Variants in ZNF366 observed in about 807,000 individuals in gnomAD.
The protein encoded by ZNF366 is zinc finger protein 366.
ZNF366 carries 20 observed loss-of-function variants against 47.2 expected under a neutral mutation model. The observed-to-expected ratio is 0.42, with a 90% CI of 0.30 to 0.62. ZNF366 has a LOEUF of 0.62. Ranked by LOEUF, ZNF366 falls within the 20% of genes least tolerant of loss-of-function variation. The pLI is 0.16. For missense variants in ZNF366, 987 were observed against 976.3 expected, an observed-to-expected ratio of 1.01 and a Z score of -0.15; for synonymous variants, 421 against 395.1, an observed-to-expected ratio of 1.07 and a Z score of -0.78.
In ZNF366 at chr5:72,443,725, AT is replaced by A. The variant is rs764871895; in HGVS notation, c.*30del. 20 of 1,586,632 alleles carry A rather than the reference AT, an allele frequency of 1.3e-5. No individual in the cohort carries two copies. The Admixed American group carries it at 3.4e-4, about 27-fold the overall frequency. On this transcript the variant is annotated 3_prime_UTR_variant, in exon 5 of 5. Coordinates refer to ENST00000318442, the MANE Select transcript of ZNF366 (RefSeq NM_152625.3). ...GCTATATTTGAACTGCCTCCTTCTC[AT>A]TTTCCAAATGTAATTTTAAAACTGT...
At chr5:72,504,071 G>T (rs781007771) in intron 1 of ZNF366, among the ~76,000 whole-genome samples, 3 of 151,518 alleles carry the variant, frequency 2.0e-5, no homozygotes, top group Non-Finnish European at 4.4e-5. Flanking sequence ...ACACACGCAC[G>T]CACACACACA....
intron 1 of ZNF366, among the ~76,000 whole-genome samples, chr5:72,485,218 T>C (rs1743870353): frequency 5.3e-5 from 8 of 152,248 alleles, no homozygotes; most frequent in Admixed American, 5.2e-4. Flanking sequence ...TCATTTTACA[T>C]GGATTTGTGT....
At chr5:72,459,137 G>T (rs1743251238) in intron 2 of ZNF366, among the ~76,000 whole-genome samples, 1 of 152,200 alleles carries the variant, frequency 6.6e-6, no homozygotes, top group Admixed American at 6.5e-5. Context: ...CATCTCTGTG[G>T]CAGAGCCAGA....
At chr5:72,465,604 A>G (rs909664845) in intron 1 of ZNF366, among the ~76,000 whole-genome samples, 1 of 152,146 alleles carries the variant, frequency 6.6e-6, no homozygotes, top group East Asian at 1.9e-4. Context: ...GGGGATGGCA[A>G]TCTGGTTAAG....
chr5:72,466,502 C>G (rs1324542918), intron 1 of ZNF366, among the ~76,000 whole-genome samples: 1 of 152,218 alleles, frequency 6.6e-6, no homozygotes, highest in East Asian at 1.9e-4. Flanking sequence ...TAGAATAGTG[C>G]TGGGTCAACA....
rs186673571 is a variant in ZNF366 at position 72,504,553 on chromosome 5, C to T, written c.-15+2698G>A. ...AAGATGAATATCAATACATTAAACT[C>T]TACACTCTTTTATTTTATAAGAATT... On this transcript the variant is annotated intron_variant, in intron 1 of 4. Coordinates refer to ENST00000318442, the MANE Select transcript of ZNF366 (RefSeq NM_152625.3). Among the ~76,000 whole-genome samples, 208 of 152,276 alleles carry T rather than the reference C, an allele frequency of 1.4e-3. No individual in the cohort carries two copies. In the Middle Eastern group the frequency reaches 0.054, roughly 40 times the overall value.
intron 4 of ZNF366, among the ~76,000 whole-genome samples, chr5:72,445,618 CA>C (rs1261901853): frequency 2.6e-5 from 4 of 152,120 alleles, no homozygotes; most frequent in African/African-American, 9.7e-5. Flanking sequence ...TCCAGAACAA[CA>C]GAGCTGTTAG....
chr5:72,470,945 T>G (rs1743550667), intron 1 of ZNF366, among the ~76,000 whole-genome samples: 1 of 152,214 alleles, frequency 6.6e-6, no homozygotes, highest in South Asian at 2.1e-4. Flanking sequence ...CCTGTTTCAC[T>G]GAAATAACAT....
At chr5:72,503,952 CATT>C (rs1744265455) in intron 1 of ZNF366, among the ~76,000 whole-genome samples, 1 of 152,144 alleles carries the variant, frequency 6.6e-6, no homozygotes, top group Non-Finnish European at 1.5e-5. Flanking sequence ...GTAAAAGTAT[CATT>C]ATTACTTGAC....
At chr5:72,484,668 A>T (rs925875307) in intron 1 of ZNF366, among the ~76,000 whole-genome samples, 2 of 152,074 alleles carry the variant, frequency 1.3e-5, no homozygotes, top group Admixed American at 6.5e-5. Context: ...TTAAGGTTGA[A>T]AGGAAAGATC....
At chr5:72,503,530 TACACACACACAC>T (rs34375286) in intron 1 of ZNF366, among the ~76,000 whole-genome samples, 3 of 148,832 alleles carry the variant, frequency 2.0e-5, no homozygotes, top group South Asian at 2.1e-4. Context: ...TGAATTCTAA[TACACACACACAC>T]ACACACACAC....
In ZNF366 at chr5:72,444,028, C is replaced by T. The variant is rs112462947; in HGVS notation, c.1963G>A (p.Ala655Thr). The change falls in exon 5 of 5, where the codon GCC becomes ACC. Residue 655 changes from alanine (A) to threonine (T), a missense_variant. Transcript: ENST00000318442. ...CAGGCTTCCTCCAGCACCTCGGGGG[C>T]GTGCTCCGACTTGGTGGACAGATCC... ...PEDLSTKSEH[A>T]PEVLEEACKE... 6.8e-5 allele frequency: 109 copies of T among 1,614,182 alleles called. No homozygotes were observed. The African/African-American group carries it at 1.0e-3, about 15-fold the overall frequency.
rs778044051 is a variant in ZNF366 at position 72,460,399 on chromosome 5, G to C, written c.1098C>G (p.Ile366Met). The change falls in exon 2 of 5, where the codon ATC becomes ATG. Residue 366 changes from isoleucine to methionine, a missense_variant. Physicochemically the swap from Ile to Met is conservative, Grantham distance 10 (BLOSUM62 1). Around this residue, in one of 3 missense-constraint regions of ZNF366, gnomAD observed 591 missense variants for 560.9 expected, o/e 1.05. Transcript: ENST00000318442. The part of the protein sequence containing the change: ...EAKHASGREN[I>M]CVECGLDFPT... The stretch of plus-strand genomic sequence containing the variant: ...GGAAGTCGAGGCCGCACTCCACACA[G>C]ATGTTCTCGCGCCCACTGGCGTGCT... 9.3e-5 allele frequency: 150 copies of C among 1,614,238 alleles called. No homozygotes were observed. In the Admixed American group the frequency reaches 2.4e-3, roughly 26 times the overall value.
At position 72,482,256 on chromosome 5, in the gene ZNF366, C is replaced by A. The variant is rs2112344708; in HGVS notation, c.-14-20746G>T. On this transcript the variant is annotated intron_variant, in intron 1 of 4. Coordinates refer to ENST00000318442, the MANE Select transcript of ZNF366 (RefSeq NM_152625.3). ...ATGTGGGTGAAAACCTAGAAAAGAT[C>A]CCCCAACATCATGTAATGAGCCAAT... 1.3e-5 allele frequency among the ~76,000 whole-genome samples: 2 copies of A among 152,222 alleles called. 1 individual carries two copies. Among genetic ancestry groups the A allele is most frequent in the South Asian group, 4.1e-4 (2 of 4,822 alleles).
chr5:72,456,273 T>C (rs1182345056), intron 3 of ZNF366, 131 bp downstream of exon 3: 2 of 924,394 alleles, frequency 2.2e-6, no homozygotes, highest in South Asian at 2.2e-5. Flanking sequence ...AGATGGGACC[T>C]GGGGTTGGCC....
At chr5:72,448,605 G>A (rs1743004179) in intron 3 of ZNF366, among the ~76,000 whole-genome samples, 1 of 152,184 alleles carries the variant, frequency 6.6e-6, no homozygotes, top group African/African-American at 2.4e-5. Context: ...CAGTGGAGCT[G>A]GGGCTGCACT....
intron 1 of ZNF366, among the ~76,000 whole-genome samples, chr5:72,479,261 T>A (rs1339320092): frequency 1.3e-5 from 2 of 152,122 alleles, no homozygotes; most frequent in East Asian, 3.8e-4. Flanking sequence ...ATAGCCTGAT[T>A]GTACAAGAAA....
chr5:72,494,173 T>C (rs745364542), intron 1 of ZNF366: 4 of 152,144 alleles, frequency 2.6e-5, no homozygotes, highest in Non-Finnish European at 5.9e-5. Context: ...TCCAAAAACA[T>C]TAAGCACTTG....
At chr5:72,493,355 A>G (rs1371776301) in intron 1 of ZNF366, among the ~76,000 whole-genome samples, 2 of 152,244 alleles carry the variant, frequency 1.3e-5, no homozygotes, top group Non-Finnish European at 2.9e-5. Context: ...CAATGAGGAA[A>G]CTAGGACACA....
Sources: gnomAD v4.1 joint callset for allele counts (sites outside exome capture counted in the v4.1 genomes callset) on GRCh38, gnomAD v4.1.1 for gene constraint, gnomAD v4.1.1 regional missense constraint, MANE v1.5 for transcripts, NCBI Gene and HGNC (gene_info 2026-07-23, HGNC 2026-07-21) for gene names.